Variants in NRG3 observed in about 807,000 individuals in gnomAD.
NRG3 encodes the protein neuregulin 3.
NRG3 carries 31 observed loss-of-function variants against 66.9 expected under a neutral mutation model. That is an observed-to-expected ratio of 0.46 (90% confidence interval 0.35 to 0.63). The LOEUF (loss-of-function observed/expected upper bound fraction) is 0.63. NRG3 is among the 20% of genes least tolerant of loss of function. NRG3 has a pLI of 0.00. For missense variants in NRG3, 910 were observed against 878.9 expected (o/e 1.04, Z -0.45); for synonymous variants, 393 against 359.4 (o/e 1.09, Z -1.06).
chr10:82,161,507 T>C (rs2071598487), intron 1 of NRG3, among the ~76,000 whole-genome samples: 1 of 152,120 alleles, frequency 6.6e-6, no homozygotes, highest in Non-Finnish European at 1.5e-5. Flanking sequence ...TTGGCTATAA[T>C]CTTCACATAG....
At chr10:82,780,969 G>C (rs1216566859) in intron 3 of NRG3, among the ~76,000 whole-genome samples, 1 of 152,084 alleles carries the variant, frequency 6.6e-6, no homozygotes, top group African/African-American at 2.4e-5. Context: ...TTGGCCTCTT[G>C]TAGGCAGGAT....
intron 1 of NRG3, among the ~76,000 whole-genome samples, chr10:82,126,817 T>C (rs1477307127): frequency 3.9e-5 from 6 of 152,060 alleles, no homozygotes; most frequent in Admixed American, 3.3e-4. Flanking sequence ...ATTGGTGTTA[T>C]CATAAGTGCT....
chr10:82,724,495 A>G (rs2134557257), intron 2 of NRG3, among the ~76,000 whole-genome samples: 1 of 152,342 alleles, frequency 6.6e-6, no homozygotes, highest in Non-Finnish European at 1.5e-5. Flanking sequence ...TGGGAGAAAT[A>G]GGGAAAATTA....
rs147284365 is a variant in NRG3 at position 82,067,644 on chromosome 10, G to A, written c.823+191481G>A. On this transcript the variant is annotated intron_variant, in intron 1 of 8. Coordinates refer to ENST00000372141, the MANE Select transcript of NRG3 (RefSeq NM_001010848.4). ...ATTATAGGTGTGAGCCACCACACCT[G>A]GCCTGTCTGTTTGCACTCCTGCTGA... Among the ~76,000 whole-genome samples the A allele has an allele frequency of 1.1e-3, 166 of 152,276 alleles. 1 individual carries two copies. The highest frequency in any genetic ancestry group is 2.0e-3 in the Admixed American group (31 of 15,298).
At chr10:82,399,469 G>C (rs2086933619) in intron 2 of NRG3, among the ~76,000 whole-genome samples, 1 of 152,134 alleles carries the variant, frequency 6.6e-6, no homozygotes, top group South Asian at 2.1e-4. Context: ...TTATGCATTG[G>C]GTAGTTGATG....
In NRG3 at chr10:82,909,672, C is replaced by T. The variant is rs150867364; in HGVS notation, c.1055-41797C>T. On this transcript the variant is annotated intron_variant, in intron 4 of 8. Coordinates refer to ENST00000372141, the MANE Select transcript of NRG3 (RefSeq NM_001010848.4). The stretch of plus-strand genomic sequence containing the variant: ...ATGTTCCACATGAGGCCAAGACCTA[C>T]GTTCATTACTCACTGAAGTTTTTGG... Among the ~76,000 whole-genome samples the T allele has an allele frequency of 6.6e-5, 10 of 152,286 alleles. No homozygotes were observed. The East Asian group carries it at 1.7e-3, about 26-fold the overall frequency.
chr10:82,036,464 C>A (rs9804196), intron 1 of NRG3, among the ~76,000 whole-genome samples: 84,450 of 151,964 alleles, frequency 0.56, 23,527 homozygotes, highest in South Asian at 0.64. Context: ...GATTAAATAA[C>A]TTCCTCGTTG....
At chr10:82,322,829 C>T (rs1443333220) in intron 1 of NRG3, among the ~76,000 whole-genome samples, 1 of 152,172 alleles carries the variant, frequency 6.6e-6, no homozygotes, top group Non-Finnish European at 1.5e-5. Context: ...AGTTATATTA[C>T]ACCCAGTCAT....
At chr10:82,438,790 A>T (rs1427717131) in intron 2 of NRG3, among the ~76,000 whole-genome samples, 6 of 151,992 alleles carry the variant, frequency 3.9e-5, no homozygotes, top group Admixed American at 2.0e-4. Flanking sequence ...CTTCTTTCCC[A>T]TGTGGCTTTC....
At chr10:82,351,040 C>G (rs927366782) in intron 1 of NRG3, among the ~76,000 whole-genome samples, 1 of 152,052 alleles carries the variant, frequency 6.6e-6, no homozygotes, top group Non-Finnish European at 1.5e-5. Flanking sequence ...TACAGGCGCC[C>G]GCCACCATGC....
intron 1 of NRG3, among the ~76,000 whole-genome samples, chr10:81,966,309 A>G (rs1049079292): frequency 2.7e-5 from 4 of 150,332 alleles, no homozygotes; most frequent in Admixed American, 6.6e-5. Context: ...TAATATGTGT[A>G]TATATATAAA....
intron 2 of NRG3, among the ~76,000 whole-genome samples, chr10:82,636,340 C>T (rs978621976): frequency 6.6e-6 from 1 of 151,930 alleles, no homozygotes; most frequent in Non-Finnish European, 1.5e-5. Flanking sequence ...TGACACTCCA[C>T]ATCTTGGCAT....
chr10:82,146,963 G>C lies in NRG3; in HGVS notation c.824-211776G>C, dbSNP rs565691972. ...TATAAAAGGAAAGAACAGAATAACA[G>C]CTACAGCTCGGTGGGAGTTCTAGTA... On this transcript the variant is annotated intron_variant, in intron 1 of 8. Coordinates refer to ENST00000372141, the MANE Select transcript of NRG3 (RefSeq NM_001010848.4). 2.6e-4 allele frequency among the ~76,000 whole-genome samples: 40 copies of C among 152,260 alleles called. 1 individual carries two copies. In the South Asian group the frequency reaches 7.9e-3, roughly 30 times the overall value.
intron 1 of NRG3, among the ~76,000 whole-genome samples, chr10:82,156,901 T>C (rs559854918): frequency 2.0e-5 from 3 of 151,834 alleles, no homozygotes; most frequent in Non-Finnish European, 4.4e-5. Flanking sequence ...TAAAACTTCA[T>C]AGGAGTTCAT....
chr10:82,974,962 A>G (rs1852114409), intron 7 of NRG3, among the ~76,000 whole-genome samples: 1 of 152,188 alleles, frequency 6.6e-6, no homozygotes, highest in Non-Finnish European at 1.5e-5. Context: ...GGTAATTTTT[A>G]TTCTCATTCT....
At chr10:82,675,980 T>G (rs1320123467) in intron 2 of NRG3, among the ~76,000 whole-genome samples, 1 of 152,210 alleles carries the variant, frequency 6.6e-6, no homozygotes, top group Non-Finnish European at 1.5e-5. Context: ...CACACGATGT[T>G]TCTGTAATTC....
At chr10:82,257,242 A>G (rs2077779865) in intron 1 of NRG3, among the ~76,000 whole-genome samples, 2 of 152,168 alleles carry the variant, frequency 1.3e-5, no homozygotes, top group South Asian at 4.1e-4. Context: ...TGAAAGGGAA[A>G]GAGAAGAGAG....
intron 1 of NRG3, among the ~76,000 whole-genome samples, chr10:82,254,771 G>A (rs1295211241): frequency 2.0e-5 from 3 of 151,970 alleles, no homozygotes; most frequent in Non-Finnish European, 2.9e-5. Flanking sequence ...AAAAATTTGA[G>A]CAACAAAATA....
intron 3 of NRG3, among the ~76,000 whole-genome samples, chr10:82,793,464 G>A (rs755898416): frequency 4.6e-5 from 7 of 152,052 alleles, no homozygotes; most frequent in African/African-American, 1.7e-4. Flanking sequence ...ATCTCCCTAG[G>A]CCTGCAGCTA....
Sources: gnomAD v4.1 joint callset for allele counts (sites outside exome capture counted in the v4.1 genomes callset) on GRCh38, gnomAD v4.1.1 for gene constraint, MANE v1.5 for transcripts, NCBI Gene and HGNC (gene_info 2026-07-23, HGNC 2026-07-21) for gene names.